AKT2: variants seen among roughly 807,000 people sequenced by gnomAD.
The protein encoded by AKT2 is AKT serine/threonine kinase 2.
A neutral mutation model predicts 58.6 loss-of-function variants in AKT2; 16 were observed. That is an observed-to-expected ratio of 0.27 (90% confidence interval 0.18 to 0.41). The LOEUF is 0.41. Ranked by LOEUF, AKT2 falls within the 10% of genes least tolerant of loss-of-function variation. The pLI, the probability that AKT2 is intolerant of heterozygous loss-of-function variation, is 1.00. For missense variants in AKT2, 438 were observed against 661.0 expected, an observed-to-expected ratio of 0.66 and a Z score of 3.70; for synonymous variants, 253 against 254.0, an observed-to-expected ratio of 1.00 and a Z score of 0.04.
At chr19:40,277,705 G>C (rs759775804) in intron 1 of AKT2, among the ~76,000 whole-genome samples, 2 of 152,056 alleles carry the variant, frequency 1.3e-5, no homozygotes, top group African/African-American at 2.4e-5. Flanking sequence ...ACATCACAGG[G>C]GCTCCTCAGC....
intron 1 of AKT2, 67 bp from the exon 2 acceptor site, chr19:40,265,418 G>T: frequency 1.3e-6 from 2 of 1,518,048 alleles, no homozygotes; most frequent in Non-Finnish European, 1.8e-6. Flanking sequence ...CCCTGAGGAC[G>T]CCGGGCTCTG....
chr19:40,236,541 A>T, intron 9 of AKT2, 156 bp from the exon 10 acceptor site: 2 of 987,300 alleles, frequency 2.0e-6, no homozygotes, highest in Non-Finnish European at 3.1e-6. Context: ...TGAGGCTCAG[A>T]GAGAGGCCAG....
chr19:40,243,311 G>A (rs1665010813), intron 4 of AKT2: 1 of 154,954 alleles, frequency 6.5e-6, no homozygotes, highest in Admixed American at 6.3e-5. Flanking sequence ...ATGAGGGAGA[G>A]AGAGTGCTCC....
At chr19:40,254,289 T>C in intron 4 of AKT2, among the ~76,000 whole-genome samples, 1 of 152,112 alleles carries the variant, frequency 6.6e-6, no homozygotes. Context: ...TCTCAGCACT[T>C]TGGAGGCCGA....
intron 1 of AKT2, among the ~76,000 whole-genome samples, chr19:40,276,345 CTTTTTTTTTTTTTTTTTTTTTTT>C (rs748551877): frequency 2.1e-4 from 12 of 58,456 alleles, no homozygotes; most frequent in African/African-American, 5.9e-4. Flanking sequence ...AAAATGGAAT[CTTTTTTTTTTTTTTTTTTTTTTT>C]TTTTTTTTTT....
At position 40,258,656 on chromosome 19, in the gene AKT2, T is replaced by TA. The variant is rs775016321; in HGVS notation, c.47-1603dup. On this transcript the variant is annotated intron_variant, in intron 2 of 13. Transcript: ENST00000392038. ...AGTGACAGAGCAAGACCCTAGCTCTTAAAAAAAAAAAAAAAAAGCATTTAC... is the reference window on the plus strand; with the variant it reads ...AGTGACAGAGCAAGACCCTAGCTCTTAAAAAAAAAAAAAAAAAAGCATTTAC... Among the ~76,000 whole-genome samples the TA allele has an allele frequency of 8.4e-3, 910 of 108,270 alleles. 6 individuals are homozygous for TA. The highest frequency in any genetic ancestry group is 0.02 in the African/African-American group (582 of 28,814). The allele number at this position is 108,270 out of a possible 152,430, so 71.0% of individuals were successfully genotyped here.
chr19:40,258,308 C>T (rs4802071), intron 2 of AKT2, among the ~76,000 whole-genome samples: 108,002 of 147,064 alleles, frequency 0.73, 39,450 homozygotes, highest in African/African-American at 0.8. Context: ...CAACTCTGAA[C>T]ATACTAAAAC....
intron 1 of AKT2, among the ~76,000 whole-genome samples, chr19:40,279,882 G>A (rs2077393253): frequency 6.6e-6 from 1 of 152,148 alleles, no homozygotes; most frequent in African/African-American, 2.4e-5. Context: ...GGGAATCAGA[G>A]AAGATTCCTC....
rs1973744088 is a variant in AKT2, at chr19:40,232,363, C to T, written c.*1509G>A. ...AAATGAGTGTCTTTATTGCTTGTAC[C>T]GTACAAATATGAAGACGAGGAGAAA... On this transcript the variant is annotated 3_prime_UTR_variant, in exon 14 of 14. Coordinates refer to ENST00000392038, the MANE Select transcript of AKT2 (RefSeq NM_001626.6). 8.6e-6 allele frequency: 2 copies of T among 233,544 alleles called. No individual in the cohort carries two copies. Among genetic ancestry groups the T allele is most frequent in the South Asian group, 1.8e-4 (1 of 5,528 alleles). 14.5% of individuals were successfully genotyped at this position (233,544 alleles called of 1,614,324 possible). A position where few individuals can be genotyped will look rare whatever the true frequency, so the allele number is the denominator to read the frequency against.
At chr19:40,279,732 A>G (rs766003728) in intron 1 of AKT2, 2 of 151,408 alleles carry the variant, frequency 1.3e-5, no homozygotes, top group Admixed American at 6.6e-5. Flanking sequence ...CAGAAGTCAC[A>G]CTCACCAGGG....
At chr19:40,248,952 T>G (rs1368548060) in intron 4 of AKT2, among the ~76,000 whole-genome samples, 2 of 55,358 alleles carry the variant, frequency 3.6e-5, no homozygotes, top group African/African-American at 7.9e-5. Flanking sequence ...GTGGAGGAGA[T>G]GAGGACAGGG....
At chr19:40,275,283 G>C (rs1158707837) in intron 1 of AKT2, 1 of 456,646 alleles carries the variant, frequency 2.2e-6, no homozygotes, top group East Asian at 6.9e-5. Flanking sequence ...ACGCATGCAC[G>C]GGAGCCCTCC....
At position 40,232,979 on chromosome 19, in the gene AKT2, C is replaced by T. The variant is rs549665816; in HGVS notation, c.*893G>A. 17 of 228,780 alleles carry T rather than the reference C, an allele frequency of 7.4e-5. No homozygotes were observed. The East Asian group carries it at 8.7e-4, about 12-fold the overall frequency. The allele number at this position is 228,780 out of a possible 1,614,324, so 14.2% of individuals were successfully genotyped here. ...CAAGTCCATGGGGCCCAATACTGTC[C>T]GGTGTAAGATTGTAACAGCCAAGGC... On this transcript the variant is annotated 3_prime_UTR_variant, in exon 14 of 14. Transcript: ENST00000392038.
chr19:40,243,818 G>A (rs1974563306), intron 4 of AKT2: 1 of 151,952 alleles, frequency 6.6e-6, no homozygotes, highest in South Asian at 2.1e-4. Context: ...CCAAGGTGGA[G>A]GATCACTTGA....
In AKT2 at chr19:40,240,120, G is replaced by A. The variant is rs1251002744; in HGVS notation, c.574-10C>T. ...TGTGAGCGACTTCATCCTGCAGACAGACTGCGGGTGAGGGGCTGGTGGGCA... is the reference window on the plus strand; with the variant it reads ...TGTGAGCGACTTCATCCTGCAGACAAACTGCGGGTGAGGGGCTGGTGGGCA... On this transcript the variant is annotated splice_polypyrimidine_tract_variant and intron_variant, in intron 6 of 13. Coordinates refer to ENST00000392038, the MANE Select transcript of AKT2 (RefSeq NM_001626.6). 1 of 1,613,964 alleles carries A rather than the reference G, an allele frequency of 6.2e-7. No homozygotes were observed. The highest frequency in any genetic ancestry group is 1.7e-5 in the Admixed American group (1 of 60,030).
At chr19:40,256,250 C>G (rs1159981712) in intron 3 of AKT2, among the ~76,000 whole-genome samples, 1 of 152,138 alleles carries the variant, frequency 6.6e-6, no homozygotes, top group African/African-American at 2.4e-5. Context: ...GGGACGGGGA[C>G]TGGGTTCCAC....
At position 40,238,916 on chromosome 19, in the gene AKT2, T is replaced by C. The variant is rs1227145174; in HGVS notation, c.697A>G (p.Asn233Asp). 6.2e-7 allele frequency: 1 copy of C among 1,613,068 alleles called. No individual in the cohort carries two copies. The highest frequency in any genetic ancestry group is 1.3e-5 in the African/African-American group (1 of 74,868). The change falls in exon 8 of 14, where the codon AAC (asparagine) becomes GAC (aspartate). Residue 233 changes from asparagine (N) to aspartate (D), a missense_variant. Physicochemically the swap from Asn to Asp is conservative, Grantham distance 23. Coordinates refer to ENST00000392038, the MANE Select transcript of AKT2 (RefSeq NM_001626.6). The surrounding 1 kb of genome is among the most constrained non-coding windows in gnomAD (Gnocchi z 5.1). The part of the protein sequence containing the change: ...DRLCFVMEYA[N>D]GGELFFHLSR... ...CAGCCGCGGCTCACCTCACCCCCGT[T>C]GGCATACTCCATCACAAAGCACAGG...
At chr19:40,273,100 T>G (rs1364761757) in intron 1 of AKT2, among the ~76,000 whole-genome samples, 2 of 152,064 alleles carry the variant, frequency 1.3e-5, no homozygotes, top group African/African-American at 4.8e-5. Context: ...TCCCAGCACT[T>G]TGGGAGGCCG....
intron 1 of AKT2, chr19:40,284,915 C>A: frequency 3.2e-6 from 1 of 309,476 alleles, no homozygotes; most frequent in Non-Finnish European, 5.9e-6. Flanking sequence ...CCGGCCCGCG[C>A]ACGCTGCGGC....
Sources: allele counts gnomAD v4.1 joint callset (sites outside exome capture counted in the v4.1 genomes callset), GRCh38; gene constraint gnomAD v4.1.1; non-coding constraint Gnocchi (gnomAD v3.1); transcripts MANE v1.5; gene names NCBI Gene and HGNC (gene_info 2026-07-23, HGNC 2026-07-21).